The following PRKN variants were observed in gnomAD, a reference collection of about 807,000 sequenced individuals.
The protein encoded by PRKN is E3 ubiquitin-protein ligase parkin.
A neutral mutation model predicts 59.5 loss-of-function variants in PRKN; 56 were observed. The observed-to-expected ratio is 0.94, with a 90% CI of 0.76 to 1.18. PRKN has a LOEUF of 1.18. Among genes scored for constraint, PRKN ranks in the 50% most tolerant of loss-of-function variants. The pLI, the probability that PRKN is intolerant of heterozygous loss-of-function variation, is 0.00. For missense variants in PRKN, 657 were observed against 596.4 expected, an observed-to-expected ratio of 1.10 and a Z score of -1.06; for synonymous variants, 250 against 222.1, an observed-to-expected ratio of 1.13 and a Z score of -1.12.
At chr6:161,740,284 T>C (rs1162409120) in intron 7 of PRKN, among the ~76,000 whole-genome samples, 1 of 152,238 alleles carries the variant, frequency 6.6e-6, no homozygotes, top group Non-Finnish European at 1.5e-5. Flanking sequence ...GCATACGCAC[T>C]TTGTCCCTTT....
At chr6:162,459,521 G>A (rs1345340834) in intron 1 of PRKN, among the ~76,000 whole-genome samples, 1 of 151,968 alleles carries the variant, frequency 6.6e-6, no homozygotes, top group Non-Finnish European at 1.5e-5. Flanking sequence ...TTACATTTAC[G>A]AGCGTATTTT....
intron 1 of PRKN, among the ~76,000 whole-genome samples, chr6:162,624,794 T>C (rs939257430): frequency 1.3e-5 from 2 of 152,190 alleles, no homozygotes; most frequent in East Asian, 3.9e-4. Context: ...GTGCTGGGAT[T>C]ACAGGTGTGA....
chr6:162,055,419 T>C (rs572475013), intron 4 of PRKN, among the ~76,000 whole-genome samples: 416 of 152,154 alleles, frequency 2.7e-3, no homozygotes, highest in Non-Finnish European at 5.2e-3. Context: ...GAGATGCAAG[T>C]TGGAAAGTTG....
chr6:162,558,723 C>G (rs9458591), intron 1 of PRKN, among the ~76,000 whole-genome samples: 46,356 of 151,402 alleles, frequency 0.31, 7,514 homozygotes, highest in East Asian at 0.49. Context: ...ATCACAGTCT[C>G]TGCCTCCAAG....
At position 161,386,895 on chromosome 6, in the gene PRKN, T is replaced by A. The variant is rs765372014; in HGVS notation, c.1084-18A>T. 2 of 1,603,924 alleles carry A rather than the reference T, an allele frequency of 1.2e-6. No homozygotes were observed. The highest frequency in any genetic ancestry group is 1.7e-6 in the Non-Finnish European group (2 of 1,170,848). ...AAGGCAAACTGCAAAAGAACACACA[T>A]CCATTAATTAGGGACATTAGGTTGC... On this transcript the variant is annotated intron_variant, in intron 9 of 11. Coordinates refer to ENST00000366898, the MANE Select transcript of PRKN (RefSeq NM_004562.3). This position sits in a 1 kb window ranked among gnomAD's most constrained non-coding sequence, Gnocchi z 4.3.
intron 1 of PRKN, among the ~76,000 whole-genome samples, chr6:162,607,611 G>A (rs1330847953): frequency 2.6e-5 from 4 of 152,064 alleles, no homozygotes; most frequent in Admixed American, 6.6e-5. Context: ...CTGATAAGAT[G>A]AGGCTGAATA....
At chr6:161,668,163 T>C (rs1784786730) in intron 7 of PRKN, among the ~76,000 whole-genome samples, 1 of 151,772 alleles carries the variant, frequency 6.6e-6, no homozygotes, top group Non-Finnish European at 1.5e-5. Flanking sequence ...ATGCTGACAC[T>C]TACTAAAATG....
At chr6:162,185,999 A>G (rs370128513) in intron 4 of PRKN, among the ~76,000 whole-genome samples, 54 of 152,150 alleles carry the variant, frequency 3.5e-4, no homozygotes, top group African/African-American at 1.2e-3. Flanking sequence ...GTGGTTTGAG[A>G]GCCCACCTCA....
intron 1 of PRKN, among the ~76,000 whole-genome samples, chr6:162,616,083 T>C (rs911939542): frequency 1.1e-4 from 17 of 152,300 alleles, no homozygotes; most frequent in African/African-American, 4.1e-4. Flanking sequence ...CTTAAACCTA[T>C]AAATATTAGG....
chr6:162,497,518 A>G (rs1328280182), intron 1 of PRKN, among the ~76,000 whole-genome samples: 1 of 152,324 alleles, frequency 6.6e-6, no homozygotes, highest in African/African-American at 2.4e-5. Context: ...ATGGCTCTGC[A>G]CTGTTGGACT....
intron 2 of PRKN, among the ~76,000 whole-genome samples, chr6:162,263,823 G>A (rs545197461): frequency 1.8e-4 from 27 of 152,104 alleles, no homozygotes; most frequent in Admixed American, 1.4e-3. Context: ...GCGTGTTAGC[G>A]TGCGCCTGTA....
intron 2 of PRKN, among the ~76,000 whole-genome samples, chr6:162,414,155 C>A (rs1464816887): frequency 2.0e-5 from 3 of 152,030 alleles, no homozygotes; most frequent in African/African-American, 7.2e-5. Context: ...TGCACTCCAG[C>A]CTGGGCCACA....
At chr6:161,634,018 A>ACT (rs2128155757) in intron 7 of PRKN, among the ~76,000 whole-genome samples, 1 of 151,868 alleles carries the variant, frequency 6.6e-6, no homozygotes, top group Admixed American at 6.6e-5. Flanking sequence ...ACACACACAC[A>ACT]CACACACACA....
chr6:162,223,671 C>T (rs961453905), intron 3 of PRKN, among the ~76,000 whole-genome samples: 3 of 146,476 alleles, frequency 2.0e-5, no homozygotes, highest in Non-Finnish European at 3.0e-5. Flanking sequence ...AAACATAATG[C>T]TCCAGAAACA....
Position 161,483,200 on chromosome 6 carries a change from G to A in PRKN, c.1083+65654C>T, listed in dbSNP as rs966348644. On this transcript the variant is annotated intron_variant, in intron 9 of 11. Coordinates refer to ENST00000366898, the MANE Select transcript of PRKN (RefSeq NM_004562.3). This position sits in a 1 kb window ranked among gnomAD's most constrained non-coding sequence, Gnocchi z 5.0. Reference sequence around the variant, plus strand: ...AAAAAAAAAAAAAAAAACATGCATTGTTAATGAGACTTCGCCAGAGATGCT... The same window carrying A: ...AAAAAAAAAAAAAAAAACATGCATTATTAATGAGACTTCGCCAGAGATGCT... 2.7e-5 allele frequency among the ~76,000 whole-genome samples: 4 copies of A among 149,030 alleles called. No homozygotes were observed. Among genetic ancestry groups the A allele is most frequent in the African/African-American group, 9.9e-5 (4 of 40,498 alleles).
chr6:162,660,539 C>T (rs563922238), intron 1 of PRKN, among the ~76,000 whole-genome samples: 1 of 152,322 alleles, frequency 6.6e-6, no homozygotes, highest in South Asian at 2.1e-4. Context: ...TGGATAACTG[C>T]TTCCTTCCCT....
At chr6:162,594,608 C>G (rs1157650787) in intron 1 of PRKN, among the ~76,000 whole-genome samples, 2 of 152,052 alleles carry the variant, frequency 1.3e-5, no homozygotes. Context: ...ATTACATAGG[C>G]TAGTTTATTA....
chr6:162,070,626 C>T (rs564279171), intron 4 of PRKN, among the ~76,000 whole-genome samples: 22 of 152,260 alleles, frequency 1.4e-4, no homozygotes, highest in Admixed American at 9.8e-4. Flanking sequence ...ACAGGTTTGA[C>T]GGAAGACAGT....
chr6:162,213,897 G>A (rs1777522591), intron 3 of PRKN, among the ~76,000 whole-genome samples: 1 of 146,836 alleles, frequency 6.8e-6, no homozygotes, highest in African/African-American at 2.5e-5. Flanking sequence ...TATATTGAAA[G>A]TTCTTTGATG....
Sources: gnomAD v4.1 joint callset for allele counts (sites outside exome capture counted in the v4.1 genomes callset) on GRCh38, gnomAD v4.1.1 for gene constraint, Gnocchi (gnomAD v3.1) non-coding constraint, MANE v1.5 for transcripts, NCBI Gene and HGNC (gene_info 2026-07-23, HGNC 2026-07-21) for gene names.